NTM: variants seen among roughly 807,000 people sequenced by gnomAD.
The protein encoded by NTM is IgLON family member 2.
Under a neutral mutation model 42.1 loss-of-function variants are expected in NTM, and 13 were observed. That is an observed-to-expected ratio of 0.31 (90% CI 0.20 to 0.49). NTM has a LOEUF of 0.49. Among genes scored for constraint, NTM ranks in the 20% least tolerant of loss-of-function variants. NTM has a pLI of 0.99. For missense variants in NTM, 373 were observed against 452.8 expected (o/e 0.82, Z 1.60); for synonymous variants, 187 against 179.2 (o/e 1.04, Z -0.35).
At chr11:132,175,592 C>A (rs968909010) in intron 3 of NTM, among the ~76,000 whole-genome samples, 5 of 150,340 alleles carry the variant, frequency 3.3e-5, no homozygotes, top group Non-Finnish European at 7.4e-5. Flanking sequence ...CCTACCCACC[C>A]CCCTTTTTTT....
chr11:132,318,769 C>G (rs185306662), intron 7 of NTM, among the ~76,000 whole-genome samples: 5 of 152,278 alleles, frequency 3.3e-5, no homozygotes, highest in African/African-American at 1.2e-4. Context: ...CTGACCTCCT[C>G]TCCCCACCTC....
intron 4 of NTM, among the ~76,000 whole-genome samples, chr11:132,253,896 T>C (rs2092234393): frequency 6.6e-6 from 1 of 152,234 alleles, no homozygotes; most frequent in Admixed American, 6.5e-5. Context: ...CTGCATATAC[T>C]GAGGACCTCG....
At chr11:131,668,794 G>A (rs789519) in intron 1 of NTM, among the ~76,000 whole-genome samples, 104,094 of 152,150 alleles carry the variant, frequency 0.68, 36,630 homozygotes, top group Admixed American at 0.76. Context: ...ATCTTTCCAC[G>A]AAAGGTAAAT....
At chr11:132,287,436 G>A (rs1463570781) in intron 4 of NTM, among the ~76,000 whole-genome samples, 1 of 152,160 alleles carries the variant, frequency 6.6e-6, no homozygotes, top group Admixed American at 6.5e-5. Flanking sequence ...ATGCATGTCA[G>A]GCTGGGTGTG....
chr11:131,474,681 A>G (rs1269833667), intron 1 of NTM, among the ~76,000 whole-genome samples: 1 of 152,122 alleles, frequency 6.6e-6, no homozygotes, highest in East Asian at 1.9e-4. Flanking sequence ...CCCGTGCTCC[A>G]TTCTCCAGTC....
intron 1 of NTM, chr11:131,533,807 T>C (rs920704054): frequency 6.6e-6 from 1 of 152,236 alleles, no homozygotes; most frequent in African/African-American, 2.4e-5. Context: ...CACGCAGACA[T>C]TGAAAAACAA....
At chr11:132,163,046 A>G (rs1190910649) in intron 3 of NTM, among the ~76,000 whole-genome samples, 4 of 152,188 alleles carry the variant, frequency 2.6e-5, no homozygotes, top group Non-Finnish European at 4.4e-5. Context: ...TCCAATTACT[A>G]GAAGTGTGAT....
rs1036037672 is a variant in NTM, at chr11:132,326,763, C to T, written c.935-3390C>T. Reference sequence around the variant, plus strand: ...TATTTAGAGAAAACAGCCCTTGCACCTGGGCTCATTTACTGCACTGATGTG... The same window carrying T: ...TATTTAGAGAAAACAGCCCTTGCACTTGGGCTCATTTACTGCACTGATGTG... On this transcript the variant is annotated intron_variant, in intron 7 of 8. Transcript: ENST00000683400. Among the ~76,000 whole-genome samples, 9 of 152,322 alleles carry T rather than the reference C, an allele frequency of 5.9e-5. No individual in the cohort carries two copies. In the South Asian group the frequency reaches 1.9e-3, roughly 32 times the overall value.
At position 132,248,248 on chromosome 11, in the gene NTM, A is replaced by G. The variant is rs147811094; in HGVS notation, c.526+36101A>G. 2.4e-4 allele frequency among the ~76,000 whole-genome samples: 37 copies of G among 152,254 alleles called. No homozygotes were observed. In the East Asian group the frequency reaches 7.2e-3, roughly 29 times the overall value. On this transcript the variant is annotated intron_variant, in intron 4 of 8. Transcript: ENST00000683400. The stretch of plus-strand genomic sequence containing the variant: ...CTTGTCACTGTAGAGTTGAGATAAT[A>G]ATAGTCTTTTTCTGATCCCCTGAAC...
intron 1 of NTM, among the ~76,000 whole-genome samples, chr11:131,464,840 T>A (rs1038420700): frequency 1.3e-5 from 2 of 152,198 alleles, no homozygotes; most frequent in African/African-American, 4.8e-5. Flanking sequence ...ATCCTCCAGG[T>A]ACTTTTCCTA....
rs766678728 is a variant in NTM at position 132,146,244 on chromosome 11, C to T, written c.168-38C>T. 34 of 1,609,824 alleles carry T rather than the reference C, an allele frequency of 2.1e-5. No individual in the cohort carries two copies. In the Admixed American group the frequency reaches 4.3e-4, roughly 21 times the overall value. On this transcript the variant is annotated intron_variant, in intron 2 of 8. Coordinates refer to ENST00000683400, the MANE Select transcript of NTM (RefSeq NM_001352005.2). This position sits in a 1 kb window ranked among gnomAD's most constrained non-coding sequence, Gnocchi z 4.5. ...CTCCCTCTGATGGCTGCTGTCGTCT[C>T]TCAGTCCCTTGACGTACCTGTCTGG... is the stretch of plus-strand genomic sequence containing the variant.
intron 1 of NTM, among the ~76,000 whole-genome samples, chr11:131,568,082 C>A: frequency 6.6e-6 from 1 of 152,298 alleles, no homozygotes; most frequent in Non-Finnish European, 1.5e-5. Context: ...AGAATCCTCT[C>A]GACAGCCGAA....
intron 2 of NTM, among the ~76,000 whole-genome samples, chr11:132,023,045 T>TA (rs1196536486): frequency 5.3e-5 from 8 of 152,032 alleles, no homozygotes; most frequent in Non-Finnish European, 7.4e-5. Context: ...GGGAAGATGT[T>TA]AAAAAAATAC....
chr11:131,825,021 T>C (rs895523580), intron 1 of NTM, among the ~76,000 whole-genome samples: 1 of 152,180 alleles, frequency 6.6e-6, no homozygotes, highest in African/African-American at 2.4e-5. Flanking sequence ...TGTTTCACAA[T>C]CCTGGAAACT....
intron 1 of NTM, among the ~76,000 whole-genome samples, chr11:131,731,196 A>C (rs1591476011): frequency 6.6e-6 from 1 of 152,100 alleles, no homozygotes; most frequent in East Asian, 1.9e-4. Flanking sequence ...CTCCACATCC[A>C]ATCTCTTGAC....
At position 131,988,462 on chromosome 11, in the gene NTM, A is replaced by G. The variant is rs573103842; in HGVS notation, c.167+76814A>G. Among the ~76,000 whole-genome samples the G allele has an allele frequency of 2.6e-5, 4 of 152,224 alleles. No homozygotes were observed. In the South Asian group the frequency reaches 8.3e-4, roughly 32 times the overall value. On this transcript the variant is annotated intron_variant, in intron 2 of 8. Transcript: ENST00000683400. ...ATTGCTCTCTCTCCTTTCTTCCATC[A>G]TGATATAGGATTTGTAAGTTACAAT...
intron 1 of NTM, among the ~76,000 whole-genome samples, chr11:131,494,825 A>T (rs1955166920): frequency 6.6e-6 from 1 of 152,204 alleles, no homozygotes; most frequent in African/African-American, 2.4e-5. Context: ...TCATAGCAAG[A>T]TTTTAACAAT....
At chr11:131,943,082 G>A (rs534974692) in intron 2 of NTM, among the ~76,000 whole-genome samples, 78 of 152,290 alleles carry the variant, frequency 5.1e-4, no homozygotes, top group African/African-American at 1.8e-3. Flanking sequence ...AAGTGGAAGA[G>A]GCATCTGCAG....
chr11:131,752,089 A>C (rs1369911018), intron 1 of NTM, among the ~76,000 whole-genome samples: 1 of 152,202 alleles, frequency 6.6e-6, no homozygotes, highest in Non-Finnish European at 1.5e-5. Flanking sequence ...TAATGGCTAG[A>C]AGTTGAAAGA....
Sources: allele counts gnomAD v4.1 joint callset (sites outside exome capture counted in the v4.1 genomes callset), GRCh38; gene constraint gnomAD v4.1.1; non-coding constraint Gnocchi (gnomAD v3.1); transcripts MANE v1.5; gene names NCBI Gene and HGNC (gene_info 2026-07-23, HGNC 2026-07-21).